CDH13: variants seen among roughly 807,000 people sequenced by gnomAD.
CDH13 encodes cadherin-13.
Under a neutral mutation model 63.8 loss-of-function variants are expected in CDH13, and 24 were observed. The observed-to-expected ratio is 0.38, with a 90% CI of 0.27 to 0.53. The LOEUF (loss-of-function observed/expected upper bound fraction) is 0.53. Ranked by LOEUF, CDH13 falls within the 20% of genes least tolerant of loss-of-function variation. CDH13 has a pLI of 0.85. For missense variants in CDH13, 1,049 were observed against 903.1 expected (o/e 1.16, Z -2.07); for synonymous variants, 503 against 355.3 (o/e 1.42, Z -4.67).
chr16:83,478,506 A>G (rs2073671124), intron 6 of CDH13, among the ~76,000 whole-genome samples: 1 of 152,186 alleles, frequency 6.6e-6, no homozygotes, highest in Admixed American at 6.5e-5. Flanking sequence ...TTCTGGATCA[A>G]ATGCACAGCT....
chr16:83,498,348 A>C (rs2074196133), intron 7 of CDH13, among the ~76,000 whole-genome samples: 1 of 150,930 alleles, frequency 6.6e-6, no homozygotes, highest in African/African-American at 2.5e-5. Context: ...GGAGTCCCTG[A>C]GGTAAAACTG....
chr16:83,149,796 A>C (rs28399072), intron 4 of CDH13, among the ~76,000 whole-genome samples: 2,278 of 152,250 alleles, frequency 0.015, 66 homozygotes, highest in African/African-American at 0.052. Context: ...ATCTCTTCCA[A>C]ACTCTGTATT....
chr16:83,046,560 A>G (rs1204835156), intron 3 of CDH13, among the ~76,000 whole-genome samples: 2 of 152,202 alleles, frequency 1.3e-5, no homozygotes, highest in Non-Finnish European at 2.9e-5. Flanking sequence ...AACAAAAATC[A>G]CATCTTATAG....
intron 1 of CDH13, among the ~76,000 whole-genome samples, chr16:82,672,488 T>C (rs557190777): frequency 7.9e-5 from 12 of 152,272 alleles, no homozygotes; most frequent in African/African-American, 2.6e-4. Context: ...CTATCATTGA[T>C]ATTAATATTC....
At chr16:83,390,232 G>C (rs1206861038) in intron 6 of CDH13, among the ~76,000 whole-genome samples, 1 of 152,112 alleles carries the variant, frequency 6.6e-6, no homozygotes, top group African/African-American at 2.4e-5. Flanking sequence ...CATACATTAT[G>C]GGGTCTGTGG....
At chr16:83,338,121 A>C (rs1020318486) in intron 5 of CDH13, among the ~76,000 whole-genome samples, 1 of 146,032 alleles carries the variant, frequency 6.8e-6, no homozygotes, top group Admixed American at 6.7e-5. Context: ...AAGCCAAATG[A>C]GACAGTGCAA....
At chr16:83,509,895 A>T (rs2074516922) in intron 7 of CDH13, among the ~76,000 whole-genome samples, 1 of 152,162 alleles carries the variant, frequency 6.6e-6, no homozygotes, top group South Asian at 2.1e-4. Context: ...AGGGTAGATG[A>T]CTGGCTCAAG....
At chr16:83,204,072 G>A (rs996945180) in intron 4 of CDH13, among the ~76,000 whole-genome samples, 26 of 152,194 alleles carry the variant, frequency 1.7e-4, no homozygotes, top group African/African-American at 4.3e-4. Context: ...ACTGACATGG[G>A]CCTGAGATGA....
intron 6 of CDH13, among the ~76,000 whole-genome samples, chr16:83,432,803 G>A (rs1249633357): frequency 6.6e-6 from 1 of 152,194 alleles, no homozygotes; most frequent in Non-Finnish European, 1.5e-5. Context: ...ATCAGGAAGT[G>A]CAAACAGGTT....
At chr16:83,263,537 C>T (rs755625616) in intron 5 of CDH13, among the ~76,000 whole-genome samples, 1 of 152,132 alleles carries the variant, frequency 6.6e-6, no homozygotes, top group South Asian at 2.1e-4. Context: ...CTTGACTCCT[C>T]CCTAGCCACC....
chr16:82,739,158 A>G (rs534276281), intron 1 of CDH13, among the ~76,000 whole-genome samples: 1 of 152,218 alleles, frequency 6.6e-6, no homozygotes, highest in African/African-American at 2.4e-5. Context: ...ATTCTTTACA[A>G]TAAAGATAAC....
rs60196638 is a variant in CDH13, at chr16:82,710,552, A to AAATAT, written c.45+83416_45+83417insATATA. 5.2e-3 allele frequency among the ~76,000 whole-genome samples: 330 copies of AAATAT among 63,736 alleles called. 3 individuals are homozygous for AAATAT. The highest frequency in any genetic ancestry group is 8.6e-3 in the African/African-American group (149 of 17,242). The allele number at this position is 63,736 out of a possible 152,430, so 41.8% of individuals were successfully genotyped here. The stretch of plus-strand genomic sequence containing the variant: ...TGTCTCAAAAAAAAAAAAAAAAAAA[A>AAATAT]ATATATATATATATATATATATATA... On this transcript the variant is annotated intron_variant, in intron 1 of 13. Coordinates refer to ENST00000567109, the MANE Select transcript of CDH13 (RefSeq NM_001257.5).
chr16:82,653,422 A>G (rs1206856084), intron 1 of CDH13, among the ~76,000 whole-genome samples: 1 of 152,198 alleles, frequency 6.6e-6, no homozygotes, highest in Non-Finnish European at 1.5e-5. Flanking sequence ...GAACAGAGAG[A>G]GGGACCCAGG....
chr16:83,524,529 T>C (rs2074913691), intron 7 of CDH13, among the ~76,000 whole-genome samples: 1 of 137,212 alleles, frequency 7.3e-6, no homozygotes, highest in African/African-American at 2.7e-5. Context: ...CTCGGCTTAC[T>C]GCAAGCTCCG....
intron 1 of CDH13, among the ~76,000 whole-genome samples, chr16:82,850,596 GAAA>G (rs957900414): frequency 6.6e-6 from 1 of 151,858 alleles, no homozygotes; most frequent in Non-Finnish European, 1.5e-5. Flanking sequence ...TTTCTATTTT[GAAA>G]AAAAAGTTCT....
chr16:82,783,946 C>G (rs1403456444), intron 1 of CDH13, among the ~76,000 whole-genome samples: 2 of 152,170 alleles, frequency 1.3e-5, no homozygotes, highest in Non-Finnish European at 2.9e-5. Context: ...CTTCACAATA[C>G]TTAATGTTAG....
At chr16:82,835,785 A>T (rs1244126186) in intron 1 of CDH13, among the ~76,000 whole-genome samples, 1 of 152,182 alleles carries the variant, frequency 6.6e-6, no homozygotes, top group African/African-American at 2.4e-5. Context: ...ATCCATATGC[A>T]TGTTTGCCTC....
At chr16:83,688,843 T>C (rs2150887670) in intron 10 of CDH13, among the ~76,000 whole-genome samples, 1 of 152,350 alleles carries the variant, frequency 6.6e-6, no homozygotes, top group East Asian at 1.9e-4. Context: ...AGTGGTCAGA[T>C]GTTCTGTTAT....
chr16:83,732,627 A>G (rs1176187611), intron 10 of CDH13, among the ~76,000 whole-genome samples: 1 of 152,186 alleles, frequency 6.6e-6, no homozygotes, highest in Non-Finnish European at 1.5e-5. Context: ...GCTGAGCCAC[A>G]TTCTTCCTGG....
Sources: allele counts gnomAD v4.1 joint callset (sites outside exome capture counted in the v4.1 genomes callset), GRCh38; gene constraint gnomAD v4.1.1; transcripts MANE v1.5; gene names NCBI Gene and HGNC (gene_info 2026-07-23, HGNC 2026-07-21).